Variants in KMT2C observed in about 807,000 individuals in gnomAD.
KMT2C encodes lysine methyltransferase 2C.
Under a neutral mutation model 507.9 loss-of-function variants are expected in KMT2C, and 88 were observed. The ratio of observed to expected loss-of-function variants is 0.17; its 90% CI spans 0.15 to 0.21. The LOEUF (loss-of-function observed/expected upper bound fraction) is 0.21, where lower values mean the gene tolerates loss of function less well. KMT2C is among the 10% of genes least tolerant of loss of function. The pLI is 1.00. For missense variants in KMT2C, 4,954 were observed against 5,957.8 expected, an observed-to-expected ratio of 0.83 and a Z score of 5.55; for synonymous variants, 2,049 against 2,080.8, an observed-to-expected ratio of 0.98 and a Z score of 0.42.
intron 55 of KMT2C, among the ~76,000 whole-genome samples, chr7:152,140,955 A>G (rs887520427): frequency 6.6e-6 from 1 of 152,210 alleles, no homozygotes; most frequent in Non-Finnish European, 1.5e-5. Flanking sequence ...GAGATTCCAA[A>G]TGGGCCAGGC....
chr7:152,199,235 T>A (rs2094058215), intron 27 of KMT2C, 44 bp downstream of exon 27: 1 of 1,441,602 alleles, frequency 6.9e-7, no homozygotes, highest in South Asian at 1.3e-5. Context: ...GGAAGATGTA[T>A]GTTATATGAT....
Position 152,136,722 on chromosome 7 carries a change from A to T in KMT2C, c.*110T>A. On this transcript the variant is annotated 3_prime_UTR_variant, in exon 59 of 59. Transcript: ENST00000262189. The stretch of plus-strand genomic sequence containing the variant: ...AGAACTCCCAGAAGCTTTTTCAAAA[A>T]GTCATAAAACAGAAAACAAAAATCT... 2.6e-6 allele frequency: 2 copies of T among 781,360 alleles called. No homozygotes were observed. Among genetic ancestry groups the T allele is most frequent in the Non-Finnish European group, 4.3e-6 (2 of 461,776 alleles). The allele number at this position is 781,360 out of a possible 1,614,324, so 48.4% of individuals were successfully genotyped here.
At chr7:152,285,895 G>A (rs1308008358) in intron 6 of KMT2C, among the ~76,000 whole-genome samples, 2 of 152,222 alleles carry the variant, frequency 1.3e-5, no homozygotes, top group Non-Finnish European at 2.9e-5. Context: ...TGAGGCACAA[G>A]AATCGCTTGA....
intron 5 of KMT2C, among the ~76,000 whole-genome samples, 198 bp downstream of exon 5, chr7:152,311,600 G>A (rs766093197): frequency 5.3e-5 from 8 of 152,066 alleles, no homozygotes; most frequent in African/African-American, 1.7e-4. Flanking sequence ...CATCCAGTCC[G>A]GTGGTGGTAC....
intron 6 of KMT2C, among the ~76,000 whole-genome samples, chr7:152,309,264 T>G (rs1459026029): frequency 1.3e-5 from 2 of 151,900 alleles, no homozygotes; most frequent in African/African-American, 4.8e-5. Context: ...TTTTAAAAGA[T>G]TCAAGTTCAC....
At chr7:152,333,209 T>C (rs1274686570) in intron 2 of KMT2C, among the ~76,000 whole-genome samples, 1 of 152,114 alleles carries the variant, frequency 6.6e-6, no homozygotes. Context: ...TGCAGTAGTA[T>C]GATCATTCGC....
intron 25 of KMT2C, 82 bp downstream of exon 25, chr7:152,205,024 T>G (rs1369288794): frequency 6.1e-6 from 5 of 824,814 alleles, no homozygotes; most frequent in Non-Finnish European, 9.5e-6. Context: ...GTAACATTAT[T>G]TAGGATAGTT....
At chr7:152,263,637 T>C (rs1382255099) in intron 8 of KMT2C, among the ~76,000 whole-genome samples, 1 of 152,188 alleles carries the variant, frequency 6.6e-6, no homozygotes, top group Admixed American at 6.5e-5. Context: ...ATGGGAATAA[T>C]AAAGATTACT....
intron 15 of KMT2C, among the ~76,000 whole-genome samples, chr7:152,236,768 T>C (rs1462353433): frequency 2.0e-5 from 3 of 152,224 alleles, no homozygotes; most frequent in African/African-American, 4.8e-5. Context: ...CATAGCTCAC[T>C]GCAGCCTAGA....
chr7:152,327,999 C>T (rs1318333306), intron 3 of KMT2C, among the ~76,000 whole-genome samples: 1 of 149,538 alleles, frequency 6.7e-6, no homozygotes, highest in East Asian at 2.0e-4. Flanking sequence ...AAAATTTATA[C>T]AGCACCTAAT....
At chr7:152,337,421 T>C (rs1245673235) in intron 2 of KMT2C, among the ~76,000 whole-genome samples, 2 of 152,226 alleles carry the variant, frequency 1.3e-5, no homozygotes, top group Non-Finnish European at 2.9e-5. Context: ...CCCTTTCCCT[T>C]AAATAAGTTC....
chr7:152,296,365 CAG>C (rs964785076), intron 6 of KMT2C, among the ~76,000 whole-genome samples: 4 of 148,390 alleles, frequency 2.7e-5, no homozygotes, highest in Non-Finnish European at 5.9e-5. Flanking sequence ...ACCTGGGAGA[CAG>C]AGGTTGCAGT....
In KMT2C at chr7:152,134,996, A is replaced by T. The variant is rs1418188394; in HGVS notation, c.*1836T>A. ...TGTGTCCACAAATTCCAAAACCCAT[A>T]ACACTCTGTATACTTCAAAAAATTC... On this transcript the variant is annotated 3_prime_UTR_variant, in exon 59 of 59. Coordinates refer to ENST00000262189, the MANE Select transcript of KMT2C (RefSeq NM_170606.3). 4.4e-6 allele frequency: 1 copy of T among 227,476 alleles called. No individual in the cohort carries two copies. Among genetic ancestry groups the T allele is most frequent in the Non-Finnish European group, 8.8e-6 (1 of 114,246 alleles). 14.1% of individuals were successfully genotyped at this position (227,476 alleles called of 1,614,324 possible).
rs757315906 is a variant in KMT2C, at chr7:152,162,831, A to G, written c.10746T>C (p.Tyr3582=). 1.9e-6 allele frequency: 3 copies of G among 1,614,164 alleles called. No homozygotes were observed. Among genetic ancestry groups the G allele is most frequent in the Admixed American group, 1.7e-5 (1 of 60,032 alleles). ...GAATGAGCGATTGGGTTGATCCCGG[A>G]TAACTGTGTCCATGGGTTATAGTAG... is the stretch of plus-strand genomic sequence containing the variant. ...QDSTITHGHS[Y]PGSTQSLIQL... is the part of the protein sequence containing the mutation. The change falls in exon 43 of 59, where the codon TAT becomes TAC. Residue 3582 remains tyrosine, a synonymous_variant. Transcript: ENST00000262189.
chr7:152,158,930 C>A lies in KMT2C; in HGVS notation c.11603G>T (p.Arg3868Met). The stretch of plus-strand genomic sequence containing the variant: ...TTGTTTCTCCTCTTCGTCCTTTTTC[C>A]TTTTCTTTGAGCGAGGTGCTGCTTT... ...GEKAAPRSKK[R>M]KKDEEEKQAM... The change falls in exon 44 of 59, where the codon AGG (arginine) becomes ATG (methionine). Residue 3868 changes from arginine to methionine, a missense_variant. This residue lies in a region of KMT2C where 801 missense variants were observed against 751.2 expected (regional missense o/e 1.07). Coordinates refer to ENST00000262189, the MANE Select transcript of KMT2C (RefSeq NM_170606.3). 6.2e-7 allele frequency: 1 copy of A among 1,614,124 alleles called. No individual in the cohort carries two copies. Among genetic ancestry groups the A allele is most frequent in the Non-Finnish European group, 8.5e-7 (1 of 1,180,002 alleles).
At chr7:152,278,872 T>C (rs2096143594) in intron 6 of KMT2C, among the ~76,000 whole-genome samples, 1 of 152,302 alleles carries the variant, frequency 6.6e-6, no homozygotes, top group Non-Finnish European at 1.5e-5. Context: ...ATAACATGCA[T>C]AGATTAGACT....
In KMT2C at chr7:152,177,762, C is replaced by T. The variant is rs2093267701; in HGVS notation, c.7691G>A (p.Arg2564Lys). The T allele has an allele frequency of 6.2e-7, 1 of 1,613,930 alleles. No individual in the cohort carries two copies. The highest frequency in any genetic ancestry group is 1.3e-5 in the African/African-American group (1 of 74,866). The change falls in exon 38 of 59, where the codon AGG becomes AAG. Residue 2564 changes from arginine to lysine, a missense_variant. Arg to Lys is a conservative substitution (Grantham distance 26). This residue lies in a region of KMT2C where 1,689 missense variants were observed against 1,654.3 expected (regional missense o/e 1.02). Transcript: ENST00000262189. ...CAGCCGTTGCCTTCCGTCAGGAGCC[C>T]TATGTCTCAGTTCAATATATGCTTG... Reference protein sequence around the residue: ...LGQAYIELRHRAPDGRQRLPF... With the variant: ...LGQAYIELRHKAPDGRQRLPF...
chr7:152,399,583 C>T (rs2097558955), intron 1 of KMT2C, among the ~76,000 whole-genome samples: 1 of 151,832 alleles, frequency 6.6e-6, no homozygotes, highest in Non-Finnish European at 1.5e-5. Flanking sequence ...TAATTCCCAC[C>T]AAGAGCTCAT....
At chr7:152,221,243 C>T (rs548904066) in intron 22 of KMT2C, among the ~76,000 whole-genome samples, 94 of 152,236 alleles carry the variant, frequency 6.2e-4, no homozygotes, top group Non-Finnish European at 5.9e-4. Context: ...GGCGACAGGG[C>T]GAGACTCTGT....
Sources: allele counts gnomAD v4.1 joint callset (sites outside exome capture counted in the v4.1 genomes callset), GRCh38; gene constraint gnomAD v4.1.1; regional missense constraint gnomAD v4.1.1; transcripts MANE v1.5; gene names NCBI Gene and HGNC (gene_info 2026-07-23, HGNC 2026-07-21).